Variants in MYO6 observed in about 807,000 individuals in gnomAD.
MYO6 encodes the protein unconventional myosin-VI.
MYO6 carries 74 observed loss-of-function variants against 178.7 expected under a neutral mutation model. The ratio of observed to expected loss-of-function variants is 0.41; its 90% CI spans 0.34 to 0.50. MYO6 has a LOEUF of 0.50. Ranked by LOEUF, MYO6 falls within the 20% of genes least tolerant of loss-of-function variation. The probability of loss-of-function intolerance (pLI) is 0.09; values close to 1 mark genes in which losing one functional copy is unlikely to be tolerated. For synonymous variants in MYO6, 477 were observed against 504.6 expected (o/e 0.95, Z 0.73); for missense variants, 1,330 against 1,547.4 (o/e 0.86, Z 2.36).
At chr6:75,785,390 A>G (rs1019956925) in intron 1 of MYO6, among the ~76,000 whole-genome samples, 10 of 152,024 alleles carry the variant, frequency 6.6e-5, no homozygotes, top group Admixed American at 1.3e-4. Context: ...TAATTTGTCA[A>G]ATTTATACAT....
intron 1 of MYO6, among the ~76,000 whole-genome samples, chr6:75,802,866 C>T (rs1007185694): frequency 6.6e-6 from 1 of 152,088 alleles, no homozygotes; most frequent in Non-Finnish European, 1.5e-5. Context: ...CAAGATTAGT[C>T]ACAGCATATG....
intron 25 of MYO6, 40 bp from the exon 26 acceptor site, chr6:75,890,017 A>C: frequency 7.1e-7 from 1 of 1,416,782 alleles, no homozygotes; most frequent in Non-Finnish European, 1.0e-6. Context: ...GCAACAGAAG[A>C]AATAAGCTTT....
rs544745889 is a variant in MYO6, at chr6:75,915,299, A to G, written c.*287A>G. ...GTTTCTCATCCTTTGCCAGAAGACTACCTTACATCCATCGTAATTGTTCTC... is the reference window on the plus strand; with the variant it reads ...GTTTCTCATCCTTTGCCAGAAGACTGCCTTACATCCATCGTAATTGTTCTC... On this transcript the variant is annotated 3_prime_UTR_variant, in exon 35 of 35. Transcript: ENST00000369977. The G allele has an allele frequency of 4.4e-6, 2 of 449,676 alleles. No individual in the cohort carries two copies. The highest frequency in any genetic ancestry group is 3.6e-5 in the Admixed American group (1 of 28,116). 27.9% of individuals were successfully genotyped at this position (449,676 alleles called of 1,614,324 possible). A position where few individuals can be genotyped will look rare whatever the true frequency, so the allele number is the denominator to read the frequency against.
At position 75,871,846 on chromosome 6, in the gene MYO6, C is replaced by T. The variant is rs374536968; in HGVS notation, c.1983+1161C>T. On this transcript the variant is annotated intron_variant, in intron 19 of 34. Coordinates refer to ENST00000369977, the MANE Select transcript of MYO6 (RefSeq NM_004999.4). ...ACGTGTTCTAGAAGTGTCTGTGGGC[C>T]GGGTGCCATGGCTTATGCTTGTAAT... Among the ~76,000 whole-genome samples, 8 of 151,984 alleles carry T rather than the reference C, an allele frequency of 5.3e-5. No individual in the cohort carries two copies. In the East Asian group the frequency reaches 1.2e-3, roughly 22 times the overall value.
At chr6:75,751,360 G>T (rs901407725) in intron 1 of MYO6, among the ~76,000 whole-genome samples, 2 of 152,022 alleles carry the variant, frequency 1.3e-5, no homozygotes, top group East Asian at 1.9e-4. Context: ...CATTGTAAAT[G>T]TAACAGAAGT....
chr6:75,809,663 G>A (rs1221787206), intron 1 of MYO6, among the ~76,000 whole-genome samples: 1 of 152,050 alleles, frequency 6.6e-6, no homozygotes, highest in Non-Finnish European at 1.5e-5. Context: ...GGAATGGGGA[G>A]CTTATGGGTC....
chr6:75,914,386 G>T (rs1181491884), intron 34 of MYO6, 105 bp downstream of exon 34: 4 of 1,164,832 alleles, frequency 3.4e-6, no homozygotes, highest in Non-Finnish European at 5.0e-6. Context: ...ACATTTCAGG[G>T]TTGAGGGATG....
chr6:75,856,499 G>A (rs79636935), intron 12 of MYO6, among the ~76,000 whole-genome samples: 2 of 76,810 alleles, frequency 2.6e-5, no homozygotes, highest in Non-Finnish European at 5.5e-5. Flanking sequence ...TTTTTTTTTT[G>A]TGCTCTCTTG....
At chr6:75,840,231 G>A (rs994486504) in intron 7 of MYO6, among the ~76,000 whole-genome samples, 2 of 148,160 alleles carry the variant, frequency 1.3e-5, no homozygotes, top group African/African-American at 5.0e-5. Flanking sequence ...GTGCGACCTC[G>A]GCTCATCGCA....
chr6:75,857,282 T>C (rs1203372610), intron 13 of MYO6, 28 bp downstream of exon 13: 1 of 1,600,380 alleles, frequency 6.2e-7, no homozygotes, highest in Non-Finnish European at 8.6e-7. Flanking sequence ...TGTGAGTATA[T>C]ATTTGTTTCA....
intron 1 of MYO6, among the ~76,000 whole-genome samples, chr6:75,756,997 CATATAT>C (rs1222648128): frequency 7.7e-6 from 1 of 129,634 alleles, no homozygotes; most frequent in Non-Finnish European, 1.6e-5. Context: ...TGTATACACA[CATATAT>C]AGTGTGTATA....
chr6:75,804,857 C>G (rs964615605), intron 1 of MYO6, among the ~76,000 whole-genome samples: 1 of 145,918 alleles, frequency 6.9e-6, no homozygotes, highest in Non-Finnish European at 1.5e-5. Context: ...TATATATACA[C>G]ATATATATGC....
chr6:75,861,109 A>C lies in MYO6; in HGVS notation c.1546+14A>C. On this transcript the variant is annotated intron_variant, in intron 15 of 34. Transcript: ENST00000369977. ...AGGACTGTATAGGTATGTGTTTTTTAACTCCACCTTTGAAAAATATAGGAA... is the reference window on the plus strand; with the variant it reads ...AGGACTGTATAGGTATGTGTTTTTTCACTCCACCTTTGAAAAATATAGGAA... 2.5e-6 allele frequency: 4 copies of C among 1,587,744 alleles called. No homozygotes were observed. Among genetic ancestry groups the C allele is most frequent in the East Asian group, 4.5e-5 (2 of 44,540 alleles).
chr6:75,823,873 C>A (rs1035097770), intron 3 of MYO6, among the ~76,000 whole-genome samples: 1 of 152,224 alleles, frequency 6.6e-6, no homozygotes, highest in Non-Finnish European at 1.5e-5. Context: ...AAGTGCTTTG[C>A]ACAGCATCTA....
intron 1 of MYO6, among the ~76,000 whole-genome samples, chr6:75,753,703 T>C (rs958925636): frequency 1.3e-5 from 2 of 151,968 alleles, no homozygotes; most frequent in Non-Finnish European, 2.9e-5. Flanking sequence ...GCTCAGATAG[T>C]GTGCTGCCTC....
chr6:75,775,153 A>G (rs1044329440), intron 1 of MYO6, among the ~76,000 whole-genome samples: 1 of 152,180 alleles, frequency 6.6e-6, no homozygotes, highest in Non-Finnish European at 1.5e-5. Flanking sequence ...CATTGTAAAG[A>G]AGGTGCCGTT....
intron 1 of MYO6, among the ~76,000 whole-genome samples, chr6:75,816,045 G>A (rs937074908): frequency 6.6e-6 from 1 of 152,162 alleles, no homozygotes; most frequent in Admixed American, 6.5e-5. Context: ...AGAATGCTAA[G>A]TATGAAAGAA....
At chr6:75,750,669 C>T (rs1214918380) in intron 1 of MYO6, among the ~76,000 whole-genome samples, 1 of 151,472 alleles carries the variant, frequency 6.6e-6, no homozygotes, top group African/African-American at 2.4e-5. Flanking sequence ...ACCTCCACCT[C>T]CCAGGTTCGA....
intron 33 of MYO6, 38 bp from the exon 34 acceptor site, chr6:75,914,025 T>C (rs753962417): frequency 1.2e-6 from 2 of 1,600,260 alleles, no homozygotes; most frequent in Non-Finnish European, 1.7e-6. Flanking sequence ...TCTTTTCCCT[T>C]GAGCTGCTGG....
Sources: allele counts gnomAD v4.1 joint callset (sites outside exome capture counted in the v4.1 genomes callset), GRCh38; gene constraint gnomAD v4.1.1; transcripts MANE v1.5; gene names NCBI Gene and HGNC (gene_info 2026-07-23, HGNC 2026-07-21).